Variants in RARB observed in about 807,000 individuals in gnomAD.
The protein encoded by RARB is retinoic acid receptor beta, also known as HBV-activated protein.
RARB carries 17 observed loss-of-function variants against 51.9 expected under a neutral mutation model. The observed-to-expected ratio is 0.33, with a 90% CI of 0.22 to 0.49. The LOEUF (loss-of-function observed/expected upper bound fraction) is 0.49. Among genes scored for constraint, RARB ranks in the 20% least tolerant of loss-of-function variants. The pLI is 0.99. For missense variants in RARB, 369 were observed against 550.8 expected, an observed-to-expected ratio of 0.67 and a Z score of 3.30; for synonymous variants, 215 against 195.4, an observed-to-expected ratio of 1.10 and a Z score of -0.84.
At chr3:25,053,263 C>T (rs1698373003) in intron 2 of RARB, among the ~76,000 whole-genome samples, 1 of 152,154 alleles carries the variant, frequency 6.6e-6, no homozygotes, top group South Asian at 2.1e-4. Flanking sequence ...CATTAAACAA[C>T]TTATTCTTAA....
chr3:24,964,137 C>A (rs982705979), intron 2 of RARB, among the ~76,000 whole-genome samples: 2 of 151,884 alleles, frequency 1.3e-5, no homozygotes, highest in Non-Finnish European at 2.9e-5. Context: ...TTTCCACCCC[C>A]CCACCCCACA....
chr3:25,086,778 A>G (rs1699112835), intron 3 of RARB, among the ~76,000 whole-genome samples: 1 of 152,116 alleles, frequency 6.6e-6, no homozygotes, highest in Admixed American at 6.6e-5. Context: ...GAGTTTATCT[A>G]AAGACCTGGA....
rs111982266 is a variant in RARB at position 25,023,140 on chromosome 3, A to G, written c.-379-36985A>G. Among the ~76,000 whole-genome samples the G allele has an allele frequency of 9.8e-3, 1,489 of 152,270 alleles. 29 individuals are homozygous for G. Among genetic ancestry groups the G allele is most frequent in the African/African-American group, 0.034 (1,409 of 41,572 alleles). ...AGTAAGGAGTCCCCTTTCTGTGGCTACTTGGCCTGCCTGGGTCTCAAGTCC... is the reference window on the plus strand; with the variant it reads ...AGTAAGGAGTCCCCTTTCTGTGGCTGCTTGGCCTGCCTGGGTCTCAAGTCC... On this transcript the variant is annotated intron_variant, in intron 2 of 11. Transcript: ENST00000383772.
chr3:25,567,866 T>C (rs1354149913), intron 3 of RARB, among the ~76,000 whole-genome samples: 2 of 152,092 alleles, frequency 1.3e-5, no homozygotes, highest in Non-Finnish European at 2.9e-5. Context: ...CACACAAGCC[T>C]TCAGGCATTC....
At chr3:25,309,129 A>ACT (rs1704223075) in intron 5 of RARB, among the ~76,000 whole-genome samples, 1 of 93,008 alleles carries the variant, frequency 1.1e-5, no homozygotes, top group African/African-American at 5.0e-5. Context: ...CTGTGCCTCC[A>ACT]TTTTTTTTTT....
intron 5 of RARB, among the ~76,000 whole-genome samples, chr3:25,267,438 T>C (rs1427037553): frequency 6.6e-6 from 1 of 152,210 alleles, no homozygotes; most frequent in Non-Finnish European, 1.5e-5. Context: ...GCCTATTCCT[T>C]ATCCAGATGT....
intron 5 of RARB, among the ~76,000 whole-genome samples, chr3:25,300,808 G>A (rs932001394): frequency 1.3e-5 from 2 of 151,994 alleles, no homozygotes; most frequent in Non-Finnish European, 1.5e-5. Flanking sequence ...TGGGCAACAT[G>A]GTGAAACCCT....
intron 5 of RARB, among the ~76,000 whole-genome samples, chr3:25,183,571 A>G (rs149260013): frequency 6.6e-6 from 1 of 152,214 alleles, no homozygotes; most frequent in Non-Finnish European, 1.5e-5. Context: ...ACAAGTTCAT[A>G]TTCAAGTTTC....
intron 5 of RARB, among the ~76,000 whole-genome samples, chr3:25,401,548 G>A (rs1404113014): frequency 6.6e-6 from 1 of 152,094 alleles, no homozygotes; most frequent in African/African-American, 2.4e-5. Flanking sequence ...ATGATCAGAT[G>A]GGGAATTTTA....
intron 3 of RARB, among the ~76,000 whole-genome samples, chr3:25,113,117 T>C (rs1035704489): frequency 5.9e-5 from 9 of 152,206 alleles, no homozygotes; most frequent in Non-Finnish European, 1.2e-4. Flanking sequence ...GTTCTGATTT[T>C]TTTCTTCATG....
intron 2 of RARB, among the ~76,000 whole-genome samples, chr3:25,040,465 G>C (rs1436542742): frequency 6.6e-6 from 1 of 152,128 alleles, no homozygotes; most frequent in African/African-American, 2.4e-5. Context: ...AGGCACAGTG[G>C]GTTACACCTG....
intron 3 of RARB, among the ~76,000 whole-genome samples, chr3:25,099,794 C>T (rs1421993215): frequency 6.6e-6 from 1 of 151,998 alleles, no homozygotes; most frequent in Admixed American, 6.6e-5. Context: ...TGGTGCATCC[C>T]AGAAGTACTT....
At chr3:25,119,881 A>G (rs1699751377) in intron 3 of RARB, among the ~76,000 whole-genome samples, 1 of 152,160 alleles carries the variant, frequency 6.6e-6, no homozygotes, top group African/African-American at 2.4e-5. Flanking sequence ...TGATTAGTAG[A>G]TAAGTGAGAT....
At chr3:25,406,926 T>C (rs1163906401) in intron 5 of RARB, among the ~76,000 whole-genome samples, 1 of 152,216 alleles carries the variant, frequency 6.6e-6, no homozygotes. Flanking sequence ...ACCAGCCCTT[T>C]GTTTTGATGC....
intron 2 of RARB, among the ~76,000 whole-genome samples, chr3:24,915,585 C>A (rs1401759056): frequency 6.6e-6 from 1 of 152,156 alleles, no homozygotes; most frequent in Non-Finnish European, 1.5e-5. Flanking sequence ...GAGATATATG[C>A]CCAAATGTTG....
chr3:25,506,276 A>AAAC (rs1491557008), intron 3 of RARB, among the ~76,000 whole-genome samples: 1 of 128,266 alleles, frequency 7.8e-6, no homozygotes. Flanking sequence ...AAAAAAAAAA[A>AAAC]CCAGCTCTTT....
At chr3:25,566,577 T>C (rs1700505098) in intron 3 of RARB, among the ~76,000 whole-genome samples, 1 of 152,186 alleles carries the variant, frequency 6.6e-6, no homozygotes, top group Admixed American at 6.5e-5. Flanking sequence ...CAGCTGCAGC[T>C]CACCCAGGGC....
At chr3:25,380,881 C>T (rs1575357371) in intron 5 of RARB, among the ~76,000 whole-genome samples, 2 of 152,090 alleles carry the variant, frequency 1.3e-5, no homozygotes, top group East Asian at 3.9e-4. Flanking sequence ...TCTACTTGGA[C>T]TTTAGCTATT....
chr3:25,497,260 G>C (rs1697086633), intron 2 of RARB, among the ~76,000 whole-genome samples: 1 of 140,422 alleles, frequency 7.1e-6, no homozygotes, highest in African/African-American at 2.9e-5. Context: ...GTGCAGCACA[G>C]ATACCTGCCT....
Sources: gnomAD v4.1 joint callset for allele counts (sites outside exome capture counted in the v4.1 genomes callset) on GRCh38, gnomAD v4.1.1 for gene constraint, MANE v1.5 for transcripts, NCBI Gene and HGNC (gene_info 2026-07-23, HGNC 2026-07-21) for gene names.